Variants in VIPR2 observed in about 807,000 individuals in gnomAD.
The protein encoded by VIPR2 is vasoactive intestinal peptide receptor 2.
In VIPR2, 48 loss-of-function variants were observed where a neutral mutation model predicts 58.0. The ratio of observed to expected loss-of-function variants is 0.83; its 90% confidence interval spans 0.66 to 1.05. The LOEUF (loss-of-function observed/expected upper bound fraction) is 1.05. VIPR2 is among the 50% of genes least tolerant of loss of function. The pLI, the probability that VIPR2 is intolerant of heterozygous loss-of-function variation, is 0.00. For synonymous variants in VIPR2, 243 were observed against 235.2 expected (o/e 1.03, Z -0.30); for missense variants, 534 against 558.0 (o/e 0.96, Z 0.43).
intron 2 of VIPR2, among the ~76,000 whole-genome samples, chr7:159,141,995 C>T (rs1585579876): frequency 2.0e-5 from 3 of 152,320 alleles, no homozygotes; most frequent in South Asian, 2.1e-4. Context: ...ACCGCAGGCC[C>T]GTCTTCAGCA....
At position 159,127,914 on chromosome 7, in the gene VIPR2, C is replaced by T. The variant is rs1195971167; in HGVS notation, c.151+14532G>A. Among the ~76,000 whole-genome samples the T allele has an allele frequency of 1.3e-5, 2 of 152,174 alleles. No homozygotes were observed. The highest frequency in any genetic ancestry group is 6.5e-5 in the Admixed American group (1 of 15,284). On this transcript the variant is annotated intron_variant, in intron 2 of 12. Transcript: ENST00000262178. The surrounding 1 kb of genome is among the most constrained non-coding windows in gnomAD (Gnocchi z 4.6). ...GGTGAACATTCAAGGCCTCAAGGCACGGGGAGTCCTGCCGTGCTATTCCAA... is the reference window on the plus strand; with the variant it reads ...GGTGAACATTCAAGGCCTCAAGGCATGGGGAGTCCTGCCGTGCTATTCCAA...
intron 4 of VIPR2, among the ~76,000 whole-genome samples, chr7:159,062,819 C>A (rs1855786581): frequency 6.6e-6 from 1 of 152,164 alleles, no homozygotes; most frequent in Non-Finnish European, 1.5e-5. Context: ...CTGATTGGTC[C>A]ATTTTACAGA....
rs1359197369 is a variant in VIPR2, at chr7:159,032,074, A to T, written c.972-7T>A. 7.4e-6 allele frequency: 12 copies of T among 1,613,646 alleles called. No individual in the cohort carries two copies. The highest frequency in any genetic ancestry group is 1.0e-5 in the Non-Finnish European group (12 of 1,179,770). ...CGTGGACTTGGCCAGCCTCCTGCAC[A>T]GAAGGAGATGAGCCAGCTCAGCTGC... On this transcript the variant is annotated splice_region_variant and splice_polypyrimidine_tract_variant and intron_variant, in intron 10 of 12. Transcript: ENST00000262178.
At chr7:159,030,861 C>T in intron 12 of VIPR2, 72 bp from the exon 13 acceptor site, 2 of 1,421,294 alleles carry the variant, frequency 1.4e-6, no homozygotes, top group Non-Finnish European at 1.8e-6. Context: ...GAAGCGCGGC[C>T]CGCGAGCCTC....
In VIPR2 at chr7:159,030,396, G is replaced by T; in HGVS notation, c.*220C>A. On this transcript the variant is annotated 3_prime_UTR_variant, in exon 13 of 13. Coordinates refer to ENST00000262178, the MANE Select transcript of VIPR2 (RefSeq NM_003382.5). ...CCACTATACGGCTGAAACACATTTT[G>T]CACAAGATTATCTAAATGCTGGAGT... 1 of 466,590 alleles carries T rather than the reference G, an allele frequency of 2.1e-6. No homozygotes were observed. The highest frequency in any genetic ancestry group is 5.1e-5 in the South Asian group (1 of 19,550). The allele number at this position is 466,590 out of a possible 1,614,324, so 28.9% of individuals were successfully genotyped here. A position where few individuals can be genotyped will look rare whatever the true frequency, so the allele number is the denominator to read the frequency against.
chr7:159,063,590 C>T (rs1057132183), intron 4 of VIPR2, among the ~76,000 whole-genome samples: 4 of 151,640 alleles, frequency 2.6e-5, no homozygotes, highest in South Asian at 4.2e-4. Context: ...AGTGCAGCGG[C>T]GGGCTGAAGC....
chr7:159,080,770 C>T (rs1017083297), intron 4 of VIPR2, among the ~76,000 whole-genome samples: 6 of 152,150 alleles, frequency 3.9e-5, no homozygotes, highest in Admixed American at 1.3e-4. Flanking sequence ...TCAGCAAAGT[C>T]TCAGGATACA....
chr7:159,109,955 G>T, intron 2 of VIPR2, 36 bp from the exon 3 acceptor site: 1 of 1,599,380 alleles, frequency 6.3e-7, no homozygotes. Flanking sequence ...CAGGTGCAAG[G>T]TGACAGAAGT....
chr7:159,058,772 CT>C (rs1855471051), intron 4 of VIPR2, among the ~76,000 whole-genome samples, 194 bp from the exon 5 acceptor site: 1 of 152,230 alleles, frequency 6.6e-6, no homozygotes, highest in Admixed American at 6.5e-5. Flanking sequence ...GGAACCTCCA[CT>C]TTTTTCTTAT....
chr7:159,099,325 C>T lies in VIPR2; in HGVS notation c.357+4432G>A, dbSNP rs115166353. Among the ~76,000 whole-genome samples the T allele has an allele frequency of 0.022, 3,371 of 152,284 alleles. 138 individuals carry two copies. Among genetic ancestry groups the T allele is most frequent in the African/African-American group, 0.077 (3,200 of 41,538 alleles). On this transcript the variant is annotated intron_variant, in intron 4 of 12. Coordinates refer to ENST00000262178, the MANE Select transcript of VIPR2 (RefSeq NM_003382.5). The surrounding 1 kb of genome is among the most constrained non-coding windows in gnomAD (Gnocchi z 4.2). Reference sequence around the variant, plus strand: ...GGGGATCACAGAGCCACTATGCTCACGCAGGCAGGGTTTACTTACAGGCCT... The same window carrying T: ...GGGGATCACAGAGCCACTATGCTCATGCAGGCAGGGTTTACTTACAGGCCT...
intron 4 of VIPR2, among the ~76,000 whole-genome samples, chr7:159,090,223 G>T (rs1396716183): frequency 7.2e-6 from 1 of 139,434 alleles, no homozygotes; most frequent in African/African-American, 2.7e-5. Flanking sequence ...TCACGCACAG[G>T]GGCCACCTCT....
Position 159,071,568 on chromosome 7 carries a change from T to A in VIPR2, c.358-12990A>T, listed in dbSNP as rs1181113546. On this transcript the variant is annotated intron_variant, in intron 4 of 12. Coordinates refer to ENST00000262178, the MANE Select transcript of VIPR2 (RefSeq NM_003382.5). ...TCCCAAGGCCCAGGCCCCCTCCTTGTCCAGAACAGGAGTTCAATTCAGCGG... is the reference window on the plus strand; with the variant it reads ...TCCCAAGGCCCAGGCCCCCTCCTTGACCAGAACAGGAGTTCAATTCAGCGG... Among the ~76,000 whole-genome samples, 3 of 152,206 alleles carry A rather than the reference T, an allele frequency of 2.0e-5. No homozygotes were observed. In the East Asian group the frequency reaches 5.8e-4, roughly 29 times the overall value.
chr7:159,142,161 C>G (rs1277735875), intron 2 of VIPR2, among the ~76,000 whole-genome samples: 2 of 152,176 alleles, frequency 1.3e-5, no homozygotes, highest in Non-Finnish European at 2.9e-5. Context: ...CAAAGCATAA[C>G]AAAGCCCATG....
At chr7:159,063,954 G>T (rs1194065831) in intron 4 of VIPR2, among the ~76,000 whole-genome samples, 6 of 149,292 alleles carry the variant, frequency 4.0e-5, no homozygotes, top group African/African-American at 7.4e-5. Flanking sequence ...GCCTGGCGGG[G>T]TCCGGGGGTC....
intron 5 of VIPR2, among the ~76,000 whole-genome samples, chr7:159,053,873 T>C (rs1484256931): frequency 1.3e-5 from 2 of 152,234 alleles, no homozygotes; most frequent in Non-Finnish European, 2.9e-5. Context: ...GCAATTGACA[T>C]TAAAAGTTTA....
At chr7:159,035,015 T>C (rs1298370480) in intron 8 of VIPR2, among the ~76,000 whole-genome samples, 1 of 152,098 alleles carries the variant, frequency 6.6e-6, no homozygotes, top group Non-Finnish European at 1.5e-5. Flanking sequence ...TCCCGAATGG[T>C]TTGCATGTAT....
At chr7:159,075,818 G>A (rs1432465877) in intron 4 of VIPR2, among the ~76,000 whole-genome samples, 2 of 150,760 alleles carry the variant, frequency 1.3e-5, no homozygotes, top group East Asian at 2.0e-4. Context: ...CGGCACCCAC[G>A]GACCCGCTGC....
In VIPR2 at chr7:159,096,968, G is replaced by A; in HGVS notation, c.357+6789C>T. The A allele has an allele frequency of 1.3e-6, 2 of 1,550,614 alleles. No homozygotes were observed. Among genetic ancestry groups the A allele is most frequent in the Non-Finnish European group, 1.7e-6 (2 of 1,146,996 alleles). On this transcript the variant is annotated intron_variant, in intron 4 of 12. Coordinates refer to ENST00000262178, the MANE Select transcript of VIPR2 (RefSeq NM_003382.5). The surrounding 1 kb of genome is among the most constrained non-coding windows in gnomAD (Gnocchi z 5.5). ...ATTGAGCTTGGCACCTGCTGGGCCT[G>A]AGGACCATGAGGGGAGGCTTCCTTC...
chr7:159,122,457 A>G (rs1272097967), intron 2 of VIPR2, among the ~76,000 whole-genome samples: 1 of 152,170 alleles, frequency 6.6e-6, no homozygotes, highest in African/African-American at 2.4e-5. Context: ...TGCGGAGCTC[A>G]CCTGGTCTCC....
Sources: allele counts gnomAD v4.1 joint callset (sites outside exome capture counted in the v4.1 genomes callset), GRCh38; gene constraint gnomAD v4.1.1; non-coding constraint Gnocchi (gnomAD v3.1); transcripts MANE v1.5; gene names NCBI Gene and HGNC (gene_info 2026-07-23, HGNC 2026-07-21).